ZNF860: variants seen among roughly 807,000 people sequenced by gnomAD.
ZNF860 encodes the protein zinc finger protein 860.
For missense variants in ZNF860, 641 were observed against 759.2 expected (o/e 0.84, Z 1.83); for synonymous variants, 206 against 248.9 (o/e 0.83, Z 1.62).
intron 1 of ZNF860, 102 bp downstream of exon 1, chr3:31,982,004 G>C (rs1698860041): frequency 6.6e-6 from 1 of 152,230 alleles, no homozygotes; most frequent in South Asian, 2.1e-4. Flanking sequence ...GTTTGTGCGA[G>C]TGCTTCCTTA....
the ZNF860 span, among the ~76,000 whole-genome samples, chr3:32,000,286 A>T: frequency 7.2e-5 from 11 of 152,164 alleles, no homozygotes; most frequent in African/African-American, 2.7e-4. Flanking sequence ...AAAGGAGAAA[A>T]ACTAAGATCA....
chr3:31,990,213 C>T lies in ZNF860; in HGVS notation c.1134C>T (p.Ala378=). The change falls in exon 2 of 2, where the codon GCC becomes GCT. Residue 378 remains alanine (A), a synonymous_variant. Coordinates refer to ENST00000360311, the MANE Select transcript of ZNF860 (RefSeq NM_001137674.3). The stretch of plus-strand genomic sequence containing the variant: ...ACAAGTGTAATGAGTGTGGCAAAGC[C>T]TTTAGTGGGCAGTCAACACTTATTC... The part of the protein sequence containing the change: ...KPYKCNECGK[A]FSGQSTLIHH... The T allele has an allele frequency of 1.2e-6, 2 of 1,613,956 alleles. No homozygotes were observed. The highest frequency in any genetic ancestry group is 1.7e-6 in the Non-Finnish European group (2 of 1,179,908).
intron 1 of ZNF860, among the ~76,000 whole-genome samples, chr3:31,982,814 C>CA (rs1298417318): frequency 1.3e-5 from 2 of 152,216 alleles, no homozygotes; most frequent in Non-Finnish European, 2.9e-5. Context: ...CAAGAATGTT[C>CA]ATTTGTTCAA....
Position 31,991,114 on chromosome 3 carries a change from A to G in ZNF860, c.*136A>G, listed in dbSNP as rs1327900408. ...TGACTTGAGTTTCAGTTGACTTGAC[A>G]TTGAGTTCAAGCATTAATTGACATT... On this transcript the variant is annotated 3_prime_UTR_variant, in exon 2 of 2. Transcript: ENST00000360311. The G allele has an allele frequency of 1.1e-6, 1 of 874,768 alleles. No homozygotes were observed. The highest frequency in any genetic ancestry group is 1.8e-6 in the Non-Finnish European group (1 of 567,160). The allele number at this position is 874,768 out of a possible 1,614,324, so 54.2% of individuals were successfully genotyped here. A position where few individuals can be genotyped will look rare whatever the true frequency, so the allele number is the denominator to read the frequency against.
Position 31,990,459 on chromosome 3 carries a change from CAAG to C in ZNF860, c.1382_1384del (p.Lys461del). 6.4e-7 allele frequency: 1 copy of C among 1,568,966 alleles called. No homozygotes were observed. ...AACCTTACAAGTGTAATGAGTGTGG[CAAG>C]ACCTTCCATCACAATTCAGCCCTTG... On this transcript the variant is annotated inframe_deletion, in exon 2 of 2. Transcript: ENST00000360311.
chr3:31,991,766 T>C (rs1437737455), downstream of ZNF860: 9 of 153,262 alleles, frequency 5.9e-5, no homozygotes, highest in Admixed American at 3.9e-4. Context: ...ATGCCATTTT[T>C]TGATCCTTAT....
intron 1 of ZNF860, among the ~76,000 whole-genome samples, chr3:31,982,125 C>T (rs1698862916): frequency 6.6e-6 from 1 of 152,138 alleles, no homozygotes; most frequent in African/African-American, 2.4e-5. Flanking sequence ...TGCACGTGCA[C>T]CTAGGAGCAG....
At chr3:31,998,146 G>T in the ZNF860 span, among the ~76,000 whole-genome samples, 192 of 152,272 alleles carry the variant, frequency 1.3e-3, no homozygotes, top group African/African-American at 4.3e-3. Flanking sequence ...TGGTGCTGTT[G>T]TCAGGCTCTA....
At chr3:31,987,762 A>G (rs1259354581) in intron 1 of ZNF860, among the ~76,000 whole-genome samples, 1 of 152,250 alleles carries the variant, frequency 6.6e-6, no homozygotes, top group East Asian at 1.9e-4. Context: ...CCACATTTCA[A>G]CTAACAGTGC....
chr3:31,988,310 T>C (rs1698965298), intron 1 of ZNF860, among the ~76,000 whole-genome samples: 2 of 151,936 alleles, frequency 1.3e-5, no homozygotes, highest in African/African-American at 4.8e-5. Context: ...ACTTAGATGG[T>C]GAGATTGTGG....
rs573932217 is a variant in ZNF860, at chr3:31,984,138, C to T, written c.-421+2236C>T. 7.2e-4 allele frequency among the ~76,000 whole-genome samples: 110 copies of T among 152,154 alleles called. 1 individual carries two copies. The highest frequency in any genetic ancestry group is 6.9e-4 in the Non-Finnish European group (47 of 67,982). On this transcript the variant is annotated intron_variant, in intron 1 of 1. Transcript: ENST00000360311. ...CTGCAAGCCCTGCCTCCCGGGTTCA[C>T]GTCATTCTCCTGCCTCACAGCTTCC...
At chr3:32,001,025 T>C in the ZNF860 span, among the ~76,000 whole-genome samples, 7 of 152,140 alleles carry the variant, frequency 4.6e-5, no homozygotes, top group Non-Finnish European at 1.0e-4. Context: ...GTGGACAAGG[T>C]CAATGTGCTA....
At position 31,991,283 on chromosome 3, in the gene ZNF860, G is replaced by T; in HGVS notation, c.*305G>T. 1 of 297,668 alleles carries T rather than the reference G, an allele frequency of 3.4e-6. No individual in the cohort carries two copies. The allele number at this position is 297,668 out of a possible 1,614,324, so 18.4% of individuals were successfully genotyped here. The stretch of plus-strand genomic sequence containing the variant: ...CAAAAGACGTGAGCCACTTTTCCTA[G>T]CCTGTTTTTTGTTTCTGATAGGGAT... On this transcript the variant is annotated 3_prime_UTR_variant, in exon 2 of 2. Coordinates refer to ENST00000360311, the MANE Select transcript of ZNF860 (RefSeq NM_001137674.3).
intron 1 of ZNF860, among the ~76,000 whole-genome samples, chr3:31,985,766 T>G (rs2125515093): frequency 6.6e-6 from 1 of 152,344 alleles, no homozygotes; most frequent in Non-Finnish European, 1.5e-5. Flanking sequence ...ACGTCCCAAA[T>G]AATAATAACA....
chr3:32,004,383 A>T, the ZNF860 span, among the ~76,000 whole-genome samples: 2 of 152,192 alleles, frequency 1.3e-5, no homozygotes, highest in African/African-American at 4.8e-5. Context: ...TTACATTACC[A>T]GGAAGGATTG....
intron 1 of ZNF860, among the ~76,000 whole-genome samples, chr3:31,983,110 CA>C (rs1698881983): frequency 1.3e-5 from 2 of 152,182 alleles, no homozygotes; most frequent in Admixed American, 1.3e-4. Context: ...GTAACATGCA[CA>C]AAATGTTTGT....
At chr3:31,985,033 G>A (rs760108567) in intron 1 of ZNF860, among the ~76,000 whole-genome samples, 15 of 152,198 alleles carry the variant, frequency 9.9e-5, no homozygotes, top group Admixed American at 3.3e-4. Context: ...GAGGTCAGGC[G>A]TTCAAGACCA....
chr3:31,989,392 A>G lies in ZNF860; in HGVS notation c.313A>G (p.Ile105Val). 6.2e-7 allele frequency: 1 copy of G among 1,614,226 alleles called. No individual in the cohort carries two copies. Among genetic ancestry groups the G allele is most frequent in the Non-Finnish European group, 8.5e-7 (1 of 1,180,042 alleles). The change falls in exon 2 of 2, where the codon ATT (isoleucine) becomes GTT (valine). Residue 105 changes from isoleucine to valine, a missense_variant. Ile to Val is a conservative substitution (Grantham distance 29). Transcript: ENST00000360311. ...CATTGGAGATTTTTGCTTCCAGAAA[A>G]TTGGGAAAGATATTCATGACTTTGA... ...HHIGDFCFQK[I>V]GKDIHDFEFQ...
chr3:32,005,073 A>G, the ZNF860 span, among the ~76,000 whole-genome samples: 1 of 151,734 alleles, frequency 6.6e-6, no homozygotes, highest in South Asian at 2.1e-4. Flanking sequence ...TTTTTTTATT[A>G]TTTTACTTTA....
Sources: gnomAD v4.1 joint callset for allele counts (sites outside exome capture counted in the v4.1 genomes callset) on GRCh38, gnomAD v4.1.1 for gene constraint, MANE v1.5 for transcripts, NCBI Gene and HGNC (gene_info 2026-07-23, HGNC 2026-07-21) for gene names.